ERMP1: variants seen among roughly 807,000 people sequenced by gnomAD.
ERMP1 encodes the protein Felix-ina.
In ERMP1, 86 loss-of-function variants were observed where a neutral mutation model predicts 92.0. That is an observed-to-expected ratio of 0.93 (90% CI 0.79 to 1.12). The LOEUF is 1.12. ERMP1 is among the 50% of genes most tolerant of loss of function. ERMP1 has a pLI of 0.00. For synonymous variants in ERMP1, 530 were observed against 412.8 expected, an observed-to-expected ratio of 1.28 and a Z score of -3.44; for missense variants, 1,342 against 1,116.3, an observed-to-expected ratio of 1.20 and a Z score of -2.88.
At chr9:5,829,804 C>T (rs1829870678) in intron 2 of ERMP1, among the ~76,000 whole-genome samples, 2 of 152,218 alleles carry the variant, frequency 1.3e-5, no homozygotes, top group African/African-American at 4.8e-5. Flanking sequence ...CAGATGCCAT[C>T]TCAGGTCTTG....
intron 2 of ERMP1, among the ~76,000 whole-genome samples, chr9:5,829,891 A>C (rs1563772434): frequency 6.6e-6 from 1 of 152,182 alleles, no homozygotes; most frequent in African/African-American, 2.4e-5. Context: ...ACTGAATACA[A>C]TTTTCTGAAA....
At chr9:5,859,749 C>G (rs899513214) in intron 5 of ERMP1, among the ~76,000 whole-genome samples, 2 of 152,190 alleles carry the variant, frequency 1.3e-5, no homozygotes, top group African/African-American at 4.8e-5. Flanking sequence ...ACAAGTAAGG[C>G]CTGGCACATA....
chr9:5,856,389 G>A (rs900730594), intron 6 of ERMP1: 3 of 184,384 alleles, frequency 1.6e-5, no homozygotes, highest in Non-Finnish European at 2.4e-5. Flanking sequence ...CAAGAGGAGC[G>A]GCCGGAGGAT....
chr9:5,793,315 G>A (rs1828282109), intron 13 of ERMP1, among the ~76,000 whole-genome samples: 1 of 151,002 alleles, frequency 6.6e-6, no homozygotes, highest in South Asian at 2.1e-4. Context: ...AGAAAGGAGA[G>A]AAAACCACAT....
At chr9:5,807,281 T>C (rs894025137) in intron 8 of ERMP1, among the ~76,000 whole-genome samples, 2 of 152,192 alleles carry the variant, frequency 1.3e-5, no homozygotes, top group South Asian at 2.1e-4. Context: ...CATTGATTTT[T>C]AGAATCATGC....
At chr9:5,842,448 A>C (rs1830178340) in intron 6 of ERMP1, among the ~76,000 whole-genome samples, 1 of 150,098 alleles carries the variant, frequency 6.7e-6, no homozygotes, top group Admixed American at 6.7e-5. Context: ...AAAAAAAAAA[A>C]AAGAAAGAAA....
intron 4 of ERMP1, among the ~76,000 whole-genome samples, chr9:5,822,103 T>G (rs762646835): frequency 6.6e-6 from 1 of 151,388 alleles, no homozygotes; most frequent in African/African-American, 2.4e-5. Context: ...AAAAAGGAAA[T>G]TAGCCGGGCA....
intron 13 of ERMP1, 110 bp from the exon 14 acceptor site, chr9:5,787,703 A>G: frequency 1.9e-6 from 2 of 1,066,374 alleles, no homozygotes; most frequent in Non-Finnish European, 2.7e-6. Flanking sequence ...GACTTTAAAT[A>G]TACTTACTAT....
intron 4 of ERMP1, among the ~76,000 whole-genome samples, chr9:5,822,174 C>A (rs921206533): frequency 6.6e-6 from 1 of 152,088 alleles, no homozygotes; most frequent in Non-Finnish European, 1.5e-5. Flanking sequence ...ATGTCTTGAG[C>A]TCTCAAGGCA....
chr9:5,814,998 G>A (rs911562383), intron 4 of ERMP1, among the ~76,000 whole-genome samples: 1 of 151,976 alleles, frequency 6.6e-6, no homozygotes, highest in Non-Finnish European at 1.5e-5. Context: ...GTTTAATACA[G>A]CAGAAGAAAG....
At position 5,805,607 on chromosome 9, in the gene ERMP1, C is replaced by G. The variant is rs192096933; in HGVS notation, c.1723+4G>C. The G allele has an allele frequency of 1.0e-5, 16 of 1,566,760 alleles. No homozygotes were observed. The African/African-American group carries it at 2.1e-4, about 21-fold the overall frequency. ...CATGTATATCAAAATCAAAAATACCCTACCATGCTGCTTGAAGTCCTTATG... is the reference window on the plus strand; with the variant it reads ...CATGTATATCAAAATCAAAAATACCGTACCATGCTGCTTGAAGTCCTTATG... On this transcript the variant is annotated splice_donor_region_variant and intron_variant, in intron 9 of 14. Coordinates refer to ENST00000339450, the MANE Select transcript of ERMP1 (RefSeq NM_024896.3).
In ERMP1 at chr9:5,795,457, C is replaced by G. The variant is rs570977661; in HGVS notation, c.2386+2360G>C. Among the ~76,000 whole-genome samples the G allele has an allele frequency of 2.0e-5, 3 of 152,260 alleles. No individual in the cohort carries two copies. The East Asian group carries it at 5.8e-4, about 29-fold the overall frequency. On this transcript the variant is annotated intron_variant, in intron 13 of 14. Transcript: ENST00000339450. ...AGGAAGGAGGAAATAAAACTGTCTGCAGATGATAAGATTGTCTATTCATAG... is the reference window on the plus strand; with the variant it reads ...AGGAAGGAGGAAATAAAACTGTCTGGAGATGATAAGATTGTCTATTCATAG...
In ERMP1 at chr9:5,811,272, G is replaced by C. The variant is rs199811536; in HGVS notation, c.1166C>G (p.Ala389Gly). Residue 389 changes from alanine to glycine, a missense_variant, in exon 7 of 15, where the codon GCT (alanine) becomes GGT (glycine). Transcript: ENST00000339450. The part of the protein sequence containing the change: ...LKHLATSDML[A>G]AASKYRHGNM... The stretch of plus-strand genomic sequence containing the variant: ...TCCATGTCGATACTTAGAAGCAGCA[G>C]CCAGCATATCAGATGTAGCTAGATG... The C allele has an allele frequency of 1.2e-6, 2 of 1,613,552 alleles. No homozygotes were observed. Among genetic ancestry groups the C allele is most frequent in the East Asian group, 2.2e-5 (1 of 44,884 alleles).
intron 5 of ERMP1, among the ~76,000 whole-genome samples, chr9:5,866,272 A>C (rs976573579): frequency 1.3e-5 from 2 of 152,238 alleles, no homozygotes; most frequent in Non-Finnish European, 2.9e-5. Flanking sequence ...ATCGAACAGG[A>C]TATATTGTTT....
intron 5 of ERMP1, among the ~76,000 whole-genome samples, chr9:5,859,853 C>T (rs1830437528): frequency 6.6e-6 from 1 of 152,170 alleles, no homozygotes; most frequent in African/African-American, 2.4e-5. Context: ...TCAAGTGTAT[C>T]ATTACTAAGT....
intron 6 of ERMP1, among the ~76,000 whole-genome samples, chr9:5,853,281 G>C (rs1830331971): frequency 6.6e-6 from 1 of 152,170 alleles, no homozygotes; most frequent in Admixed American, 6.5e-5. Flanking sequence ...AAAGGAAAGG[G>C]CAGAGAGCTC....
At chr9:5,860,607 C>A (rs1830456796) in intron 5 of ERMP1, among the ~76,000 whole-genome samples, 1 of 125,758 alleles carries the variant, frequency 8.0e-6, no homozygotes, top group Non-Finnish European at 1.6e-5. Flanking sequence ...CAACTTCAGT[C>A]CACAATTTTT....
upstream of ERMP1, among the ~76,000 whole-genome samples, chr9:5,834,114 A>G (rs954493584): frequency 7.2e-5 from 11 of 152,196 alleles, no homozygotes; most frequent in Admixed American, 7.2e-4. Flanking sequence ...GGCTCCTCTG[A>G]CACCAGGATG....
At chr9:5,794,880 G>C (rs1828351676) in intron 13 of ERMP1, among the ~76,000 whole-genome samples, 1 of 152,158 alleles carries the variant, frequency 6.6e-6, no homozygotes, top group African/African-American at 2.4e-5. Flanking sequence ...GAAGCAGAGG[G>C]AATACTTCTT....
Sources: gnomAD v4.1 joint callset for allele counts (sites outside exome capture counted in the v4.1 genomes callset) on GRCh38, gnomAD v4.1.1 for gene constraint, MANE v1.5 for transcripts, NCBI Gene and HGNC (gene_info 2026-07-23, HGNC 2026-07-21) for gene names.